PEAK1: variants seen among roughly 807,000 people sequenced by gnomAD.
PEAK1 encodes the protein inactive tyrosine-protein kinase PEAK1.
Under a neutral mutation model 124.7 loss-of-function variants are expected in PEAK1, and 54 were observed. The ratio of observed to expected loss-of-function variants is 0.43; its 90% CI spans 0.35 to 0.54. PEAK1 has a LOEUF of 0.54. Among genes scored for constraint, PEAK1 ranks in the 20% least tolerant of loss-of-function variants. PEAK1 has a pLI of 0.01. For synonymous variants in PEAK1, 719 were observed against 760.0 expected, an observed-to-expected ratio of 0.95 and a Z score of 0.89; for missense variants, 2,046 against 2,134.5, an observed-to-expected ratio of 0.96 and a Z score of 0.82.
intron 6 of PEAK1, among the ~76,000 whole-genome samples, chr15:77,244,889 C>T (rs1199141089): frequency 6.6e-6 from 1 of 152,154 alleles, no homozygotes; most frequent in Non-Finnish European, 1.5e-5. Context: ...ACCTTTATAA[C>T]ACCCTCCCAA....
intron 8 of PEAK1, among the ~76,000 whole-genome samples, chr15:77,140,510 T>C (rs984852603): frequency 1.3e-5 from 2 of 152,126 alleles, no homozygotes; most frequent in African/African-American, 2.4e-5. Context: ...ATCACCTTAA[T>C]AGATGCAGAA....
intron 5 of PEAK1, among the ~76,000 whole-genome samples, chr15:77,259,527 T>C (rs2061332296): frequency 6.6e-6 from 1 of 152,160 alleles, no homozygotes; most frequent in African/African-American, 2.4e-5. Flanking sequence ...AGTACATCAA[T>C]GGATAAGTGT....
chr15:77,340,780 TC>T (rs781136899), intron 2 of PEAK1, among the ~76,000 whole-genome samples: 4 of 152,014 alleles, frequency 2.6e-5, no homozygotes, highest in Non-Finnish European at 5.9e-5. Flanking sequence ...AAGGGTATGA[TC>T]CCAAACAATA....
Position 77,376,000 on chromosome 15 carries a change from A to G in PEAK1, c.-665-10775T>C, listed in dbSNP as rs868818501. Among the ~76,000 whole-genome samples, 4 of 145,392 alleles carry G rather than the reference A, an allele frequency of 2.8e-5. No individual in the cohort carries two copies. The East Asian group carries it at 8.2e-4, about 30-fold the overall frequency. ...GGAGACAGAGCGAGACTCCGTCTCA[A>G]AAATAAATAAATAAATAAATAAATA... On this transcript the variant is annotated intron_variant, in intron 1 of 9. Coordinates refer to ENST00000682557, the MANE Select transcript of PEAK1 (RefSeq NM_001385026.1).
At chr15:77,364,155 T>C (rs2068072818) in intron 2 of PEAK1, among the ~76,000 whole-genome samples, 1 of 152,020 alleles carries the variant, frequency 6.6e-6, no homozygotes, top group African/African-American at 2.4e-5. Context: ...ACCAAGATGT[T>C]GCCACCGCAC....
intron 5 of PEAK1, among the ~76,000 whole-genome samples, chr15:77,258,351 A>G (rs1361041372): frequency 6.6e-6 from 1 of 152,058 alleles, no homozygotes; most frequent in African/African-American, 2.4e-5. Context: ...GATTCTTCCT[A>G]CCCATGAGCG....
intron 6 of PEAK1, among the ~76,000 whole-genome samples, chr15:77,234,043 T>G (rs1163145041): frequency 3.3e-5 from 5 of 152,092 alleles, no homozygotes; most frequent in Non-Finnish European, 4.4e-5. Context: ...TTTTTAAACT[T>G]TTTGTAGAGA....
intron 2 of PEAK1, among the ~76,000 whole-genome samples, chr15:77,316,543 C>T (rs571287620): frequency 6.6e-6 from 1 of 152,308 alleles, no homozygotes; most frequent in African/African-American, 2.4e-5. Context: ...GTGCTTATAA[C>T]ATTTGTAATC....
At chr15:77,278,771 G>T (rs991025568) in intron 5 of PEAK1, 10 of 434,912 alleles carry the variant, frequency 2.3e-5, no homozygotes, top group African/African-American at 1.9e-4. Flanking sequence ...TGTACTTCTG[G>T]TGACTATACA....
In PEAK1 at chr15:77,181,345, T is replaced by C; in HGVS notation, c.582A>G (p.Pro194=). ...YKRSLERKLP[P]SCMIGGIKET... is the part of the protein sequence containing the mutation. The stretch of plus-strand genomic sequence containing the variant: ...CCTTTATCCCACCTATCATGCAACT[T>C]GGTGGAAGCTTTCTTTCCAATGATC... The change falls in exon 7 of 10, where the codon CCA becomes CCG. Residue 194 remains proline, a synonymous_variant. Coordinates refer to ENST00000682557, the MANE Select transcript of PEAK1 (RefSeq NM_001385026.1). The C allele has an allele frequency of 6.2e-7, 1 of 1,614,166 alleles. No homozygotes were observed. Among genetic ancestry groups the C allele is most frequent in the Non-Finnish European group, 8.5e-7 (1 of 1,180,012 alleles).
In PEAK1 at chr15:77,286,503, T is replaced by C. The variant is rs2062937666; in HGVS notation, c.-601A>G. On this transcript the variant is annotated splice_region_variant and 5_prime_UTR_variant, in exon 3 of 10. Coordinates refer to ENST00000682557, the MANE Select transcript of PEAK1 (RefSeq NM_001385026.1). ...TACAAATGGATCTCAAGTATTCTTTTCCTATTAGAAGATGCAAAGTGGGGA... is the reference window on the plus strand; with the variant it reads ...TACAAATGGATCTCAAGTATTCTTTCCCTATTAGAAGATGCAAAGTGGGGA... The C allele has an allele frequency of 4.1e-6, 5 of 1,223,940 alleles. No individual in the cohort carries two copies. 75.8% of individuals were successfully genotyped at this position (1,223,940 alleles called of 1,614,324 possible).
chr15:77,346,531 C>T, intron 2 of PEAK1: 20 of 985,352 alleles, frequency 2.0e-5, no homozygotes, highest in Non-Finnish European at 2.4e-5. Context: ...TGTACGGGCT[C>T]AGACACCCAC....
chr15:77,154,812 C>T (rs1214652499), intron 8 of PEAK1, among the ~76,000 whole-genome samples: 2 of 151,810 alleles, frequency 1.3e-5, no homozygotes, highest in African/African-American at 4.8e-5. Context: ...TGAATATTGG[C>T]CCCCACTCTC....
intron 5 of PEAK1, among the ~76,000 whole-genome samples, chr15:77,254,846 C>A (rs1229586016): frequency 1.3e-5 from 2 of 152,184 alleles, no homozygotes; most frequent in African/African-American, 2.4e-5. Context: ...AATGCAAGAT[C>A]TCTGCTCTCA....
chr15:77,106,997 T>A (rs1053800696), downstream of PEAK1: 1 of 152,196 alleles, frequency 6.6e-6, no homozygotes, highest in African/African-American at 2.4e-5. Context: ...AATCACTCAG[T>A]CAGTACTGAA....
At chr15:77,140,369 C>T (rs577304202) in intron 8 of PEAK1, among the ~76,000 whole-genome samples, 1 of 152,118 alleles carries the variant, frequency 6.6e-6, no homozygotes, top group Non-Finnish European at 1.5e-5. Context: ...AATCCAGCAA[C>T]ATATAAAAAA....
At chr15:77,214,624 CAA>C (rs565610333) in intron 6 of PEAK1, among the ~76,000 whole-genome samples, 46 of 108,728 alleles carry the variant, frequency 4.2e-4, no homozygotes, top group Non-Finnish European at 4.7e-4. Flanking sequence ...ACTCTGTCTC[CAA>C]AAAAAAAAAA....
At chr15:77,353,379 T>C (rs998772592) in intron 2 of PEAK1, among the ~76,000 whole-genome samples, 3 of 152,176 alleles carry the variant, frequency 2.0e-5, no homozygotes, top group African/African-American at 7.2e-5. Context: ...GAATTTGGTA[T>C]GTGAAACTGG....
intron 5 of PEAK1, among the ~76,000 whole-genome samples, 174 bp from the exon 6 acceptor site, chr15:77,252,700 T>C (rs1276063805): frequency 1.3e-5 from 2 of 152,040 alleles, no homozygotes; most frequent in Non-Finnish European, 2.9e-5. Context: ...CCTCACACAC[T>C]CAAGACCTCC....
Sources: gnomAD v4.1 joint callset for allele counts (sites outside exome capture counted in the v4.1 genomes callset) on GRCh38, gnomAD v4.1.1 for gene constraint, MANE v1.5 for transcripts, NCBI Gene and HGNC (gene_info 2026-07-23, HGNC 2026-07-21) for gene names.